The following NALF1 variants were observed in gnomAD, a reference collection of about 807,000 sequenced individuals.
NALF1 encodes NALCN channel auxiliary factor 1.
A neutral mutation model predicts 48.4 loss-of-function variants in NALF1; 3 were observed. That is an observed-to-expected ratio of 0.06 (90% CI 0.03 to 0.16). The LOEUF is 0.16. Among genes scored for constraint, NALF1 ranks in the 10% least tolerant of loss-of-function variants. The probability of loss-of-function intolerance (pLI) is 1.00; values close to 1 mark genes in which losing one functional copy is unlikely to be tolerated. For synonymous variants in NALF1, 262 were observed against 245.7 expected (o/e 1.07, Z -0.62); for missense variants, 526 against 571.5 (o/e 0.92, Z 0.81).
chr13:107,359,987 T>C (rs771502274), intron 1 of NALF1, among the ~76,000 whole-genome samples: 2 of 152,212 alleles, frequency 1.3e-5, no homozygotes, highest in African/African-American at 2.4e-5. Flanking sequence ...AATTGATTTC[T>C]AAAGTTGATG....
intron 2 of NALF1, among the ~76,000 whole-genome samples, chr13:107,188,584 T>G (rs541512102): frequency 6.6e-6 from 1 of 152,268 alleles, no homozygotes; most frequent in African/African-American, 2.4e-5. Context: ...TTGGGAGTAA[T>G]GGAGACAGAT....
At chr13:107,481,056 T>C (rs903398282) in intron 1 of NALF1, among the ~76,000 whole-genome samples, 4 of 152,158 alleles carry the variant, frequency 2.6e-5, no homozygotes, top group Non-Finnish European at 4.4e-5. Context: ...TTGAATATGT[T>C]AGCCCTTTTG....
intron 1 of NALF1, among the ~76,000 whole-genome samples, chr13:107,511,067 C>A (rs1285842735): frequency 6.6e-6 from 1 of 152,148 alleles, no homozygotes; most frequent in Middle Eastern, 3.2e-3. Context: ...ATACCTTCTT[C>A]CTGAGATGTC....
At chr13:107,400,264 ATAG>A (rs1883782022) in intron 1 of NALF1, among the ~76,000 whole-genome samples, 1 of 152,208 alleles carries the variant, frequency 6.6e-6, no homozygotes, top group Non-Finnish European at 1.5e-5. Flanking sequence ...ATTTTTAAAA[ATAG>A]TAGGTGATTA....
intron 1 of NALF1, among the ~76,000 whole-genome samples, chr13:107,220,721 C>T (rs1447999867): frequency 1.3e-5 from 2 of 152,116 alleles, no homozygotes; most frequent in South Asian, 2.1e-4. Flanking sequence ...ACTGTGAATG[C>T]TCCCGTCAGT....
chr13:107,848,386 A>T (rs893973956), intron 1 of NALF1, among the ~76,000 whole-genome samples: 1 of 152,200 alleles, frequency 6.6e-6, no homozygotes, highest in African/African-American at 2.4e-5. Flanking sequence ...ATGCAGAGTA[A>T]ATGATTCAAT....
At chr13:107,336,163 C>T (rs1882551290) in intron 1 of NALF1, among the ~76,000 whole-genome samples, 1 of 151,972 alleles carries the variant, frequency 6.6e-6, no homozygotes, top group Admixed American at 6.6e-5. Context: ...ACTGGCCTGG[C>T]TAACATGATG....
chr13:107,332,794 C>T (rs1452791791), intron 1 of NALF1, among the ~76,000 whole-genome samples: 2 of 152,148 alleles, frequency 1.3e-5, no homozygotes, highest in Non-Finnish European at 2.9e-5. Context: ...CCTTTGTTCA[C>T]ATCTCCCCCA....
intron 1 of NALF1, among the ~76,000 whole-genome samples, chr13:107,825,767 T>C (rs1879496022): frequency 6.6e-6 from 1 of 152,172 alleles, no homozygotes; most frequent in South Asian, 2.1e-4. Flanking sequence ...TGACTATAAC[T>C]AGTACTATTT....
chr13:107,844,111 T>C (rs563011206), intron 1 of NALF1, among the ~76,000 whole-genome samples: 1 of 152,290 alleles, frequency 6.6e-6, no homozygotes, highest in Admixed American at 6.5e-5. Flanking sequence ...AACCTCTTTT[T>C]TGAAGGGTTC....
intron 1 of NALF1, among the ~76,000 whole-genome samples, chr13:107,722,733 A>G (rs144056772): frequency 2.0e-3 from 298 of 152,284 alleles, no homozygotes; most frequent in African/African-American, 6.7e-3. Flanking sequence ...CCTCATTTCC[A>G]TCTGTAAAAT....
intron 1 of NALF1, among the ~76,000 whole-genome samples, chr13:107,488,908 A>G (rs1885371898): frequency 6.6e-6 from 1 of 152,190 alleles, no homozygotes; most frequent in African/African-American, 2.4e-5. Context: ...CTTAAGCTAA[A>G]AAACAATTTT....
chr13:107,399,955 A>G (rs1456550022), intron 1 of NALF1, among the ~76,000 whole-genome samples: 3 of 152,320 alleles, frequency 2.0e-5, no homozygotes, highest in Non-Finnish European at 4.4e-5. Flanking sequence ...TGCTCTTTTT[A>G]AAAGACCATA....
intron 1 of NALF1, among the ~76,000 whole-genome samples, chr13:107,465,031 A>AT (rs1212708539): frequency 1.3e-5 from 2 of 151,698 alleles, no homozygotes; most frequent in Non-Finnish European, 2.9e-5. Context: ...CACACTTTGC[A>AT]TTTTTTATTA....
intron 1 of NALF1, among the ~76,000 whole-genome samples, chr13:107,300,690 T>C (rs1035133472): frequency 6.6e-6 from 1 of 152,180 alleles, no homozygotes; most frequent in Non-Finnish European, 1.5e-5. Flanking sequence ...TGATGGGTCA[T>C]GGAATGAAAT....
chr13:107,707,721 A>T (rs1875442035), intron 1 of NALF1, among the ~76,000 whole-genome samples: 1 of 152,240 alleles, frequency 6.6e-6, no homozygotes, highest in Non-Finnish European at 1.5e-5. Flanking sequence ...GCTCATAGCT[A>T]TATAGCCTTC....
At position 107,333,398 on chromosome 13, in the gene NALF1, C is replaced by T. The variant is rs547986166; in HGVS notation, c.916-122643G>A. Among the ~76,000 whole-genome samples the T allele has an allele frequency of 4.3e-4, 65 of 152,284 alleles. 1 individual carries two copies. Among genetic ancestry groups the T allele is most frequent in the African/African-American group, 1.4e-3 (57 of 41,556 alleles). Reference sequence around the variant, plus strand: ...AGCACAAGAAATGAGAAAAACATGGCACTCATAGGCTTCAAAAAGGACGCA... The same window carrying T: ...AGCACAAGAAATGAGAAAAACATGGTACTCATAGGCTTCAAAAAGGACGCA... On this transcript the variant is annotated intron_variant, in intron 1 of 2. Coordinates refer to ENST00000375915, the MANE Select transcript of NALF1 (RefSeq NM_001080396.3).
chr13:107,181,008 A>G (rs1290777669), intron 2 of NALF1, among the ~76,000 whole-genome samples: 3 of 151,662 alleles, frequency 2.0e-5, no homozygotes, highest in African/African-American at 7.2e-5. Flanking sequence ...ATTATTATAG[A>G]GTTGTGTATA....
intron 1 of NALF1, among the ~76,000 whole-genome samples, chr13:107,451,131 G>A (rs926499240): frequency 1.3e-5 from 2 of 152,202 alleles, no homozygotes; most frequent in Non-Finnish European, 2.9e-5. Flanking sequence ...GCAAAAGCCG[G>A]GTCAGAGCTC....
Sources: gnomAD v4.1 joint callset for allele counts (sites outside exome capture counted in the v4.1 genomes callset) on GRCh38, gnomAD v4.1.1 for gene constraint, MANE v1.5 for transcripts, NCBI Gene and HGNC (gene_info 2026-07-23, HGNC 2026-07-21) for gene names.